The following COL8A1 variants were observed in gnomAD, a reference collection of about 807,000 sequenced individuals.
COL8A1 encodes collagen alpha-1(VIII) chain.
COL8A1 carries 21 observed loss-of-function variants against 42.7 expected under a neutral mutation model. That is an observed-to-expected ratio of 0.49 (90% CI 0.35 to 0.71). The LOEUF (loss-of-function observed/expected upper bound fraction) is 0.71, where lower values mean the gene tolerates loss of function less well. Ranked by LOEUF, COL8A1 falls within the 30% of genes least tolerant of loss-of-function variation. COL8A1 has a pLI of 0.01. For synonymous variants in COL8A1, 367 were observed against 369.1 expected (o/e 0.99, Z 0.06); for missense variants, 788 against 962.4 (o/e 0.82, Z 2.40).
intron 1 of COL8A1, among the ~76,000 whole-genome samples, chr3:99,652,133 A>G (rs938816628): frequency 2.0e-5 from 3 of 152,360 alleles, no homozygotes; most frequent in East Asian, 3.9e-4. Flanking sequence ...TAAAATTCTC[A>G]TCTGCAGACA....
intron 2 of COL8A1, among the ~76,000 whole-genome samples, chr3:99,759,958 A>C (rs1481376585): frequency 6.6e-6 from 1 of 152,126 alleles, no homozygotes; most frequent in Non-Finnish European, 1.5e-5. Flanking sequence ...TACCATGGAC[A>C]ATCACATCAC....
At chr3:99,651,383 A>C (rs1461218145) in intron 1 of COL8A1, among the ~76,000 whole-genome samples, 1 of 152,230 alleles carries the variant, frequency 6.6e-6, no homozygotes, top group African/African-American at 2.4e-5. Flanking sequence ...TTTAAAGAAA[A>C]GTAGTTCTTT....
At chr3:99,730,865 T>C (rs1940485186) in intron 1 of COL8A1, among the ~76,000 whole-genome samples, 1 of 152,200 alleles carries the variant, frequency 6.6e-6, no homozygotes, top group Non-Finnish European at 1.5e-5. Flanking sequence ...TGAAGCTATG[T>C]ACTTAACTCT....
intron 1 of COL8A1, among the ~76,000 whole-genome samples, chr3:99,646,833 C>A (rs73150250): frequency 6.6e-6 from 1 of 152,172 alleles, no homozygotes; most frequent in Non-Finnish European, 1.5e-5. Context: ...TATATTCTTA[C>A]CAATCTGTAT....
At chr3:99,738,361 T>G (rs1384107497) in intron 1 of COL8A1, among the ~76,000 whole-genome samples, 1 of 152,238 alleles carries the variant, frequency 6.6e-6, no homozygotes, top group Non-Finnish European at 1.5e-5. Flanking sequence ...TGGTTTTATC[T>G]GCTTTTGGTC....
At chr3:99,659,749 G>T (rs139821989) in intron 1 of COL8A1, among the ~76,000 whole-genome samples, 1 of 152,136 alleles carries the variant, frequency 6.6e-6, no homozygotes, top group East Asian at 1.9e-4. Context: ...TCCATAATCT[G>T]CCATGCTCAA....
chr3:99,700,544 T>C (rs1939507636), intron 1 of COL8A1, among the ~76,000 whole-genome samples: 1 of 152,088 alleles, frequency 6.6e-6, no homozygotes, highest in African/African-American at 2.4e-5. Flanking sequence ...TCTTCATGTA[T>C]CATCTTTGTT....
intron 1 of COL8A1, chr3:99,707,121 G>T (rs546887641): frequency 5.1e-4 from 77 of 152,338 alleles, no homozygotes; most frequent in African/African-American, 1.6e-3. Context: ...CCCTGAATAT[G>T]TATGAAGACA....
intron 1 of COL8A1, among the ~76,000 whole-genome samples, chr3:99,641,959 G>A (rs1937514084): frequency 6.6e-6 from 1 of 152,152 alleles, no homozygotes; most frequent in Non-Finnish European, 1.5e-5. Flanking sequence ...TTTCTTTTTA[G>A]CATTGTGTGA....
intron 2 of COL8A1, among the ~76,000 whole-genome samples, chr3:99,755,537 T>C (rs1941237421): frequency 6.6e-6 from 1 of 152,092 alleles, no homozygotes; most frequent in Non-Finnish European, 1.5e-5. Context: ...TGAATATAAA[T>C]AAATATTTAA....
intron 1 of COL8A1, among the ~76,000 whole-genome samples, chr3:99,687,041 G>A (rs189816656): frequency 1.3e-5 from 2 of 151,792 alleles, no homozygotes; most frequent in East Asian, 2.0e-4. Context: ...AGGGAGTTTC[G>A]CTATGTTGCC....
chr3:99,699,641 G>A (rs1317017920), intron 1 of COL8A1, among the ~76,000 whole-genome samples: 1 of 152,178 alleles, frequency 6.6e-6, no homozygotes, highest in Non-Finnish European at 1.5e-5. Context: ...TTTGCACTCT[G>A]AGCACAGGGC....
intron 1 of COL8A1, among the ~76,000 whole-genome samples, chr3:99,700,402 G>A (rs1440489854): frequency 6.6e-6 from 1 of 151,998 alleles, no homozygotes; most frequent in Non-Finnish European, 1.5e-5. Flanking sequence ...ACTCCACTGG[G>A]AGTCACAGGC....
chr3:99,673,177 T>A (rs1938597402), intron 1 of COL8A1, among the ~76,000 whole-genome samples: 1 of 141,650 alleles, frequency 7.1e-6, no homozygotes, highest in African/African-American at 2.7e-5. Flanking sequence ...TTTTGTGGAT[T>A]TTTTTTTAAC....
Position 99,651,998 on chromosome 3 carries a change from A to G in COL8A1, c.-129+13334A>G, listed in dbSNP as rs542208025. Among the ~76,000 whole-genome samples the G allele has an allele frequency of 2.1e-4, 32 of 152,380 alleles. No homozygotes were observed. In the South Asian group the frequency reaches 6.2e-3, roughly 30 times the overall value. On this transcript the variant is annotated intron_variant, in intron 1 of 3. Coordinates refer to ENST00000652472, the MANE Select transcript of COL8A1 (RefSeq NM_020351.4). Reference sequence around the variant, plus strand: ...TCCTCTGCCTTGTAAAATGTTTACAAATTGTATCATAAGAAAGCTCTAGAG... The same window carrying G: ...TCCTCTGCCTTGTAAAATGTTTACAGATTGTATCATAAGAAAGCTCTAGAG...
At chr3:99,667,554 C>A (rs1938404513) in intron 1 of COL8A1, among the ~76,000 whole-genome samples, 1 of 152,108 alleles carries the variant, frequency 6.6e-6, no homozygotes, top group Admixed American at 6.6e-5. Flanking sequence ...TGGCTCTCTT[C>A]TATTCTAACG....
At chr3:99,772,562 A>G (rs1320996045) in intron 2 of COL8A1, among the ~76,000 whole-genome samples, 1 of 152,182 alleles carries the variant, frequency 6.6e-6, no homozygotes, top group African/African-American at 2.4e-5. Flanking sequence ...GGTAGGAGGA[A>G]TATATGGGAA....
chr3:99,662,243 G>A (rs368279460), intron 1 of COL8A1, among the ~76,000 whole-genome samples: 88 of 152,216 alleles, frequency 5.8e-4, no homozygotes, highest in Non-Finnish European at 9.0e-4. Context: ...TTAGCCAGGC[G>A]TGGTGGTGAG....
In COL8A1 at chr3:99,664,248, A is replaced by G. The variant is rs575119226; in HGVS notation, c.-129+25584A>G. 2.0e-5 allele frequency among the ~76,000 whole-genome samples: 3 copies of G among 152,336 alleles called. No individual in the cohort carries two copies. In the East Asian group the frequency reaches 5.8e-4, roughly 29 times the overall value. On this transcript the variant is annotated intron_variant, in intron 1 of 3. Coordinates refer to ENST00000652472, the MANE Select transcript of COL8A1 (RefSeq NM_020351.4). ...TTTGTTCCCTGCTTTCTGTTTCCCC[A>G]AGGCCTGGAGCAATGCCAGGCACAA...
Sources: gnomAD v4.1 joint callset for allele counts (sites outside exome capture counted in the v4.1 genomes callset) on GRCh38, gnomAD v4.1.1 for gene constraint, MANE v1.5 for transcripts, NCBI Gene and HGNC (gene_info 2026-07-23, HGNC 2026-07-21) for gene names.